The following FERMT2 variants were observed in gnomAD, a reference collection of about 807,000 sequenced individuals.
FERMT2 encodes the protein fermitin family homolog 2.
A neutral mutation model predicts 82.7 loss-of-function variants in FERMT2; 15 were observed. That is an observed-to-expected ratio of 0.18 (90% CI 0.12 to 0.28). The LOEUF is 0.28. Among genes scored for constraint, FERMT2 ranks in the 10% least tolerant of loss-of-function variants. The pLI is 1.00. For synonymous variants in FERMT2, 274 were observed against 271.5 expected (o/e 1.01, Z -0.09); for missense variants, 645 against 809.4 (o/e 0.80, Z 2.46).
chr14:52,880,985 A>T (rs776808127), intron 6 of FERMT2, 51 bp downstream of exon 6: 4 of 1,195,396 alleles, frequency 3.3e-6, no homozygotes, highest in Non-Finnish European at 3.6e-6. Flanking sequence ...ATCCATGTGA[A>T]CAAAACAAAT....
rs184228351 is a variant in FERMT2 at position 52,860,666 on chromosome 14, G to A, written c.1603-201C>T. On this transcript the variant is annotated intron_variant, in intron 12 of 14. Coordinates refer to ENST00000341590, the MANE Select transcript of FERMT2 (RefSeq NM_006832.3). Reference sequence around the variant, plus strand: ...TTTTTCAAAATAAGTCTTAATTTCAGTTTTCATATATCAACAAAAAGTACT... The same window carrying A: ...TTTTTCAAAATAAGTCTTAATTTCAATTTTCATATATCAACAAAAAGTACT... 1.6e-5 allele frequency: 9 copies of A among 575,602 alleles called. No homozygotes were observed. The East Asian group carries it at 2.7e-4, about 17-fold the overall frequency. 35.7% of individuals were successfully genotyped at this position (575,602 alleles called of 1,614,324 possible). A position where few individuals can be genotyped will look rare whatever the true frequency, so the allele number is the denominator to read the frequency against.
rs961280304 is a variant in FERMT2, at chr14:52,858,180, C to CAAGT, written c.*193_*196dup. The CAAGT allele has an allele frequency of 1.9e-6, 1 of 515,850 alleles. No individual in the cohort carries two copies. The highest frequency in any genetic ancestry group is 3.4e-6 in the Non-Finnish European group (1 of 290,440). The allele number at this position is 515,850 out of a possible 1,614,324, so 32.0% of individuals were successfully genotyped here. Reference sequence around the variant, plus strand: ...GGCCCTAAGGAATGTGTGACAAATTCAAGTTTATTATATCATAACATGATA... The same window carrying CAAGT: ...GGCCCTAAGGAATGTGTGACAAATTCAAGTAAGTTTATTATATCATAACATGATA... On this transcript the variant is annotated 3_prime_UTR_variant, in exon 15 of 15. Coordinates refer to ENST00000341590, the MANE Select transcript of FERMT2 (RefSeq NM_006832.3).
At chr14:52,870,090 C>T (rs1265848150) in intron 10 of FERMT2, among the ~76,000 whole-genome samples, 2 of 152,060 alleles carry the variant, frequency 1.3e-5, no homozygotes, top group Non-Finnish European at 2.9e-5. Context: ...TATAAAGTTA[C>T]AGTAAGCAAA....
intron 10 of FERMT2, among the ~76,000 whole-genome samples, chr14:52,865,442 T>A (rs545390003): frequency 6.6e-6 from 1 of 152,312 alleles, no homozygotes; most frequent in East Asian, 1.9e-4. Flanking sequence ...TACAGTGAAG[T>A]AGAGCTCTGC....
At chr14:52,914,332 T>G (rs1888496397) in intron 3 of FERMT2, among the ~76,000 whole-genome samples, 1 of 151,942 alleles carries the variant, frequency 6.6e-6, no homozygotes, top group Non-Finnish European at 1.5e-5. Context: ...TTCACACCAC[T>G]GCACTCCAGC....
At chr14:52,941,976 T>C (rs558092110) in intron 2 of FERMT2, among the ~76,000 whole-genome samples, 6 of 152,300 alleles carry the variant, frequency 3.9e-5, no homozygotes, top group Non-Finnish European at 5.9e-5. Flanking sequence ...TGTTTGGAAG[T>C]TGGCGGGAAA....
chr14:52,890,047 T>C (rs952870479), intron 4 of FERMT2, among the ~76,000 whole-genome samples: 4 of 150,730 alleles, frequency 2.7e-5, no homozygotes, highest in African/African-American at 7.3e-5. Flanking sequence ...GAGAATTGCC[T>C]GTATCTTGGC....
intron 2 of FERMT2, among the ~76,000 whole-genome samples, chr14:52,920,983 AAATT>A (rs1386133260): frequency 6.6e-6 from 1 of 152,216 alleles, no homozygotes; most frequent in Non-Finnish European, 1.5e-5. Flanking sequence ...TTGCAAATAA[AAATT>A]AAAACTATCA....
chr14:52,947,190 G>A lies in FERMT2; in HGVS notation c.157+3222C>T, dbSNP rs1375998383. On this transcript the variant is annotated intron_variant, in intron 2 of 14. Transcript: ENST00000341590. ...ATGTGTTTTATACTGAGATTTAAAA[G>A]AGACCTAGGATGGGCGTGGTGGCTC... Among the ~76,000 whole-genome samples the A allele has an allele frequency of 3.3e-5, 5 of 152,212 alleles. No homozygotes were observed. In the East Asian group the frequency reaches 9.6e-4, roughly 29 times the overall value.
At chr14:52,883,970 T>G (rs1278858195) in intron 4 of FERMT2, among the ~76,000 whole-genome samples, 5 of 152,220 alleles carry the variant, frequency 3.3e-5, no homozygotes, top group African/African-American at 1.2e-4. Context: ...CTGGACAGCC[T>G]GCAGAACTGT....
intron 4 of FERMT2, among the ~76,000 whole-genome samples, chr14:52,883,981 G>A (rs1045117466): frequency 6.6e-6 from 1 of 152,162 alleles, no homozygotes; most frequent in Non-Finnish European, 1.5e-5. Flanking sequence ...GCAGAACTGT[G>A]AGCCAATTAA....
chr14:52,887,623 T>C (rs895510104), intron 4 of FERMT2, among the ~76,000 whole-genome samples: 2 of 151,518 alleles, frequency 1.3e-5, no homozygotes, highest in Non-Finnish European at 2.9e-5. Flanking sequence ...AGGCCAAGAG[T>C]TGATGACCAG....
intron 2 of FERMT2, among the ~76,000 whole-genome samples, chr14:52,925,361 C>T (rs1478752209): frequency 1.3e-5 from 2 of 151,958 alleles, no homozygotes; most frequent in Non-Finnish European, 2.9e-5. Flanking sequence ...AGTTTGAGAC[C>T]AGCCTGGCCA....
chr14:52,945,031 G>A (rs1890265811), intron 2 of FERMT2, among the ~76,000 whole-genome samples: 1 of 152,010 alleles, frequency 6.6e-6, no homozygotes, highest in South Asian at 2.1e-4. Flanking sequence ...CTCCCGAGTA[G>A]CTGGGACTAC....
chr14:52,893,416 G>C lies in FERMT2; in HGVS notation c.403C>G (p.Pro135Ala). The change falls in exon 4 of 15, where the codon CCC becomes GCC. Residue 135 changes from proline (P) to alanine (A), a missense_variant. By Grantham distance (27) the Pro-to-Ala change is conservative. Coordinates refer to ENST00000341590, the MANE Select transcript of FERMT2 (RefSeq NM_006832.3). ...TTCTTTAAGAGAGAAAGTTCTTCGG[G>C]GTGTCTGATATCTGTTAATAAAATA... is the stretch of plus-strand genomic sequence containing the variant. ...DICKTFNIRH[P>A]EELSLLKKPR... The C allele has an allele frequency of 1.9e-6, 3 of 1,598,694 alleles. No individual in the cohort carries two copies. Among genetic ancestry groups the C allele is most frequent in the South Asian group, 2.3e-5 (2 of 87,908 alleles).
At chr14:52,926,390 A>G (rs1174252786) in intron 2 of FERMT2, among the ~76,000 whole-genome samples, 5 of 149,328 alleles carry the variant, frequency 3.3e-5, no homozygotes, top group African/African-American at 1.2e-4. Flanking sequence ...TTGGTATTTC[A>G]AACATTAGAT....
At position 52,919,143 on chromosome 14, in the gene FERMT2, G is replaced by A. The variant is rs372142613; in HGVS notation, c.371C>T (p.Ser124Phe). 12 of 1,611,558 alleles carry A rather than the reference G, an allele frequency of 7.4e-6. No homozygotes were observed. The African/African-American group carries it at 1.6e-4, about 22-fold the overall frequency. The change falls in exon 3 of 15, where the codon TCT becomes TTT. Residue 124 changes from serine to phenylalanine, a missense_variant. Ser to Phe is a radical substitution (Grantham distance 155). Coordinates refer to ENST00000341590, the MANE Select transcript of FERMT2 (RefSeq NM_006832.3). ...CTTACTAAAAGTCTTACAGATGTCAGAAACAGCTTTGAAGACTCTATCAGA... is the reference window on the plus strand; with the variant it reads ...CTTACTAAAAGTCTTACAGATGTCAAAAACAGCTTTGAAGACTCTATCAGA... ...NFSDRVFKAV[S>F]DICKTFNIRH...
At chr14:52,892,589 G>A (rs1002341214) in intron 4 of FERMT2, among the ~76,000 whole-genome samples, 18 of 151,622 alleles carry the variant, frequency 1.2e-4, no homozygotes, top group African/African-American at 3.9e-4. Context: ...CAAGTAGATG[G>A]GACTACAGGC....
intron 4 of FERMT2, among the ~76,000 whole-genome samples, chr14:52,884,034 T>A (rs1004073288): frequency 1.3e-5 from 2 of 152,186 alleles, no homozygotes; most frequent in Non-Finnish European, 2.9e-5. Context: ...TATTTCCTTA[T>A]AGCAATTCAA....
Sources: allele counts gnomAD v4.1 joint callset (sites outside exome capture counted in the v4.1 genomes callset), GRCh38; gene constraint gnomAD v4.1.1; transcripts MANE v1.5; gene names NCBI Gene and HGNC (gene_info 2026-07-23, HGNC 2026-07-21).